LRGUK: variants seen among roughly 807,000 people sequenced by gnomAD.
LRGUK encodes leucine-rich repeat and guanylate kinase domain-containing protein.
LRGUK carries 65 observed loss-of-function variants against 76.0 expected under a neutral mutation model. That is an observed-to-expected ratio of 0.85 (90% CI 0.70 to 1.05). LRGUK has a LOEUF of 1.05. LRGUK is among the 50% of genes least tolerant of loss of function. The pLI is 0.00. For synonymous variants in LRGUK, 268 were observed against 265.6 expected (o/e 1.01, Z -0.09); for missense variants, 758 against 732.8 (o/e 1.03, Z -0.40).
intron 16 of LRGUK, among the ~76,000 whole-genome samples, chr7:134,241,990 A>T (rs1349951793): frequency 1.3e-5 from 2 of 152,236 alleles, no homozygotes; most frequent in African/African-American, 2.4e-5. Context: ...AGAAATAAAG[A>T]TGTTCTTTGA....
rs576406821 is a variant in LRGUK at position 134,171,969 on chromosome 7, T to C, written c.940-2587T>C. 3.1e-3 allele frequency among the ~76,000 whole-genome samples: 474 copies of C among 152,204 alleles called. 2 individuals are homozygous for C. Among genetic ancestry groups the C allele is most frequent in the South Asian group, 7.7e-3 (37 of 4,814 alleles). On this transcript the variant is annotated intron_variant, in intron 7 of 15. Coordinates refer to ENST00000645682, the Ensembl canonical transcript of LRGUK. ...AGGTGAAGCCAGGCCACCCCATACCTTCTCCCATCTTACCTCATCCTACCC... is the reference window on the plus strand; with the variant it reads ...AGGTGAAGCCAGGCCACCCCATACCCTCTCCCATCTTACCTCATCCTACCC...
chr7:134,208,946 C>T, exon 16 of LRGUK: 1 of 399,138 alleles, frequency 2.5e-6, no homozygotes, highest in Non-Finnish European at 4.4e-6. Context: ...TCCTGAGCTC[C>T]CTCAACACCT....
At chr7:134,263,926 G>A (rs745650603) in exon 20 of LRGUK, 1 of 1,612,470 alleles carries the variant, frequency 6.2e-7, no homozygotes, top group South Asian at 1.1e-5. Flanking sequence ...AGTCGCCCAG[G>A]TTCCAACGTC....
intron 13 of LRGUK, among the ~76,000 whole-genome samples, chr7:134,198,810 A>T (rs1267141599): frequency 3.9e-5 from 6 of 152,178 alleles, no homozygotes; most frequent in African/African-American, 1.4e-4. Flanking sequence ...GGGGTCACAG[A>T]AGAGCCTTTT....
At chr7:134,209,828 C>A (rs370733853) in exon 16 of LRGUK, 25 of 399,292 alleles carry the variant, frequency 6.3e-5, no homozygotes, top group South Asian at 5.1e-4. Flanking sequence ...TCTTATCAGT[C>A]CCCCCAGCCA....
At chr7:134,190,699 C>T (rs937425288) in intron 11 of LRGUK, among the ~76,000 whole-genome samples, 1 of 152,156 alleles carries the variant, frequency 6.6e-6, no homozygotes, top group Admixed American at 6.5e-5. Flanking sequence ...AAATGGAGTT[C>T]TTAGCAGCTG....
intron 19 of LRGUK, among the ~76,000 whole-genome samples, chr7:134,262,724 T>C (rs961640072): frequency 1.3e-5 from 2 of 152,162 alleles, no homozygotes; most frequent in Non-Finnish European, 2.9e-5. Flanking sequence ...TCCCAGCACT[T>C]TGGGAGGCCA....
At chr7:134,141,223 G>A (rs562268898) in intron 3 of LRGUK, among the ~76,000 whole-genome samples, 2 of 152,272 alleles carry the variant, frequency 1.3e-5, no homozygotes, top group African/African-American at 4.8e-5. Context: ...GTTTCTTTTT[G>A]TGATGACAGT....
At chr7:134,155,128 C>T (rs1213361467) in intron 5 of LRGUK, among the ~76,000 whole-genome samples, 1 of 152,208 alleles carries the variant, frequency 6.6e-6, no homozygotes, top group African/African-American at 2.4e-5. Context: ...CTCTGCTAAA[C>T]TGAGACAGAT....
chr7:134,248,956 C>A, exon 18 of LRGUK: 1 of 1,483,280 alleles, frequency 6.7e-7, no homozygotes, highest in Non-Finnish European at 9.0e-7. Context: ...TCCAGGGGTC[C>A]AGTACCAGCA....
chr7:134,239,642 A>C (rs904939568), intron 16 of LRGUK, among the ~76,000 whole-genome samples: 1 of 152,234 alleles, frequency 6.6e-6, no homozygotes, highest in Non-Finnish European at 1.5e-5. Context: ...AGCTGAATAA[A>C]AGGCAGAAGA....
At chr7:134,273,050 C>T in the LRGUK span, among the ~76,000 whole-genome samples, 14,658 of 152,106 alleles carry the variant, frequency 0.096, 1,826 homozygotes, top group African/African-American at 0.28. Context: ...GAATGCATGC[C>T]TGGCTGTGGC....
chr7:134,199,157 C>G (rs1800641507), intron 13 of LRGUK, 63 bp from the exon 14 acceptor site: 2 of 1,370,424 alleles, frequency 1.5e-6, no homozygotes, highest in African/African-American at 2.9e-5. Flanking sequence ...TGTCAGATGG[C>G]TCCAAAATGA....
rs750773213 is a variant in LRGUK, at chr7:134,176,974, T to C, written c.1021-3T>C. ...TGAACAGTCCTCTTGATATTTTAAATAGGAAAAGTCTGAATATTGGTTCTT... is the reference window on the plus strand; with the variant it reads ...TGAACAGTCCTCTTGATATTTTAAACAGGAAAAGTCTGAATATTGGTTCTT... On this transcript the variant is annotated splice_polypyrimidine_tract_variant and splice_region_variant and intron_variant, in intron 8 of 15. Coordinates refer to ENST00000645682, the Ensembl canonical transcript of LRGUK. 3.2e-6 allele frequency: 5 copies of C among 1,564,064 alleles called. No individual in the cohort carries two copies. Among genetic ancestry groups the C allele is most frequent in the Admixed American group, 3.4e-5 (2 of 58,534 alleles).
intron 18 of LRGUK, among the ~76,000 whole-genome samples, chr7:134,256,009 C>G (rs562805224): frequency 6.6e-6 from 1 of 152,178 alleles, no homozygotes; most frequent in South Asian, 2.1e-4. Context: ...AAAACAAGCC[C>G]CCTGTCGCCT....
At chr7:134,138,027 T>C (rs76906065) in intron 2 of LRGUK, among the ~76,000 whole-genome samples, 2,553 of 152,356 alleles carry the variant, frequency 0.017, 76 homozygotes, top group African/African-American at 0.053. Flanking sequence ...GGTCAGCATA[T>C]TAAAACAGTA....
chr7:134,175,181 G>A (rs1259251159), intron 8 of LRGUK, among the ~76,000 whole-genome samples: 1 of 152,110 alleles, frequency 6.6e-6, no homozygotes, highest in African/African-American at 2.4e-5. Context: ...GAAGGATCAG[G>A]GAGTGTTTCA....
intron 11 of LRGUK, 55 bp downstream of exon 11, chr7:134,183,908 G>T (rs866438623): frequency 1.9e-6 from 3 of 1,593,680 alleles, no homozygotes; most frequent in Middle Eastern, 1.7e-4. Context: ...ATTATTGGAG[G>T]TATCAATAGT....
intron 15 of LRGUK, among the ~76,000 whole-genome samples, chr7:134,205,461 C>A (rs963935769): frequency 5.3e-5 from 8 of 152,124 alleles, no homozygotes; most frequent in African/African-American, 1.9e-4. Context: ...CTGCTCTGAG[C>A]TGGGTCACTC....
Sources: gnomAD v4.1 joint callset for allele counts (sites outside exome capture counted in the v4.1 genomes callset) on GRCh38, gnomAD v4.1.1 for gene constraint, MANE v1.5 for transcripts, NCBI Gene and HGNC (gene_info 2026-07-23, HGNC 2026-07-21) for gene names.